The following PI4K2B variants were observed in gnomAD, a reference collection of about 807,000 sequenced individuals.
The protein encoded by PI4K2B is phosphatidylinositol 4-kinase type 2-beta.
In PI4K2B, 46 loss-of-function variants were observed where a neutral mutation model predicts 56.6. The ratio of observed to expected loss-of-function variants is 0.81; its 90% CI spans 0.64 to 1.04. The LOEUF (loss-of-function observed/expected upper bound fraction) is 1.04, where lower values mean the gene tolerates loss of function less well. Ranked by LOEUF, PI4K2B falls within the 50% of genes least tolerant of loss-of-function variation. The pLI, the probability that PI4K2B is intolerant of heterozygous loss-of-function variation, is 0.00. For synonymous variants in PI4K2B, 211 were observed against 223.8 expected (o/e 0.94, Z 0.51); for missense variants, 556 against 607.7 (o/e 0.91, Z 0.89).
intron 1 of PI4K2B, among the ~76,000 whole-genome samples, chr4:25,246,608 C>T (rs1715792696): frequency 6.6e-6 from 1 of 152,248 alleles, no homozygotes; most frequent in Non-Finnish European, 1.5e-5. Context: ...CCTGCCAGTC[C>T]CACGCCTTGT....
At chr4:25,259,746 A>C in intron 5 of PI4K2B, among the ~76,000 whole-genome samples, 1 of 152,164 alleles carries the variant, frequency 6.6e-6, no homozygotes. Context: ...GTTTCAAGAA[A>C]GTTTACAAAT....
At chr4:25,275,212 AG>A (rs1481848429) in intron 9 of PI4K2B, among the ~76,000 whole-genome samples, 1 of 152,256 alleles carries the variant, frequency 6.6e-6, no homozygotes, top group Non-Finnish European at 1.5e-5. Flanking sequence ...TTTTTAGAAT[AG>A]AATTCTTAAA....
intron 1 of PI4K2B, among the ~76,000 whole-genome samples, chr4:25,240,805 CTCTT>C (rs1217823925): frequency 1.3e-5 from 2 of 152,088 alleles, no homozygotes; most frequent in Admixed American, 6.6e-5. Flanking sequence ...GTGTCTGTCC[CTCTT>C]TCTTTCTGAC....
intron 1 of PI4K2B, 67 bp from the exon 2 acceptor site, chr4:25,252,254 C>A: frequency 8.5e-7 from 1 of 1,171,038 alleles, no homozygotes; most frequent in Non-Finnish European, 1.3e-6. Flanking sequence ...CTGATACCGG[C>A]AAGCTAATCG....
At chr4:25,258,933 T>C in intron 4 of PI4K2B, 104 bp from the exon 5 acceptor site, 1 of 543,070 alleles carries the variant, frequency 1.8e-6, no homozygotes, top group Non-Finnish European at 3.2e-6. Context: ...AGTTTTCTTA[T>C]TGTGTTTACA....
chr4:25,269,251 C>A, intron 9 of PI4K2B, 48 bp downstream of exon 9: 1 of 1,003,488 alleles, frequency 1.0e-6, no homozygotes, highest in Non-Finnish European at 1.6e-6. Flanking sequence ...CTCTTTGAAA[C>A]AGTAGTCAAC....
chr4:25,276,064 T>C (rs1285924066), intron 9 of PI4K2B, among the ~76,000 whole-genome samples: 1 of 152,236 alleles, frequency 6.6e-6, no homozygotes, highest in African/African-American at 2.4e-5. Context: ...TATTGACTAG[T>C]CTTTACAAGA....
intron 9 of PI4K2B, chr4:25,276,210 AT>A (rs1717086796): frequency 6.4e-6 from 1 of 155,734 alleles, no homozygotes; most frequent in Non-Finnish European, 1.4e-5. Context: ...CTATAATTTT[AT>A]TTGACCTGAA....
At chr4:25,239,390 G>C (rs1577675005) in intron 1 of PI4K2B, among the ~76,000 whole-genome samples, 1 of 152,326 alleles carries the variant, frequency 6.6e-6, no homozygotes, top group East Asian at 1.9e-4. Context: ...CTGCCCTACG[G>C]GGAGGCAGCT....
chr4:25,240,807 CTT>C (rs1715484976), intron 1 of PI4K2B, among the ~76,000 whole-genome samples: 1 of 152,148 alleles, frequency 6.6e-6, no homozygotes, highest in Non-Finnish European at 1.5e-5. Context: ...GTCTGTCCCT[CTT>C]TCTTTCTGAC....
chr4:25,277,114 G>T lies in PI4K2B; in HGVS notation c.1373G>T (p.Gly458Val). Reference protein sequence around the residue: ...IVERSQGGSQGRIVHLSNSFT... With the variant: ...IVERSQGGSQVRIVHLSNSFT... ...GAACGCAGTCAAGGTGGAAGTCAGG[G>T]TCGGATTGTCCACCTGAGCAATTCC... Residue 458 changes from glycine to valine, a missense_variant, in exon 10 of 10, where the codon GGT (glycine) becomes GTT (valine). Transcript: ENST00000264864. 1 of 1,614,014 alleles carries T rather than the reference G, an allele frequency of 6.2e-7. No individual in the cohort carries two copies. Among genetic ancestry groups the T allele is most frequent in the Non-Finnish European group, 8.5e-7 (1 of 1,179,916 alleles).
In PI4K2B at chr4:25,234,441, G is replaced by C. The variant is rs1276067376; in HGVS notation, c.268+10G>C. ...CGCCCCGCGGTTTCAGGTGCGACCC[G>C]GCCCTGCCCCACTCCCCGCGCCCCT... On this transcript the variant is annotated intron_variant, in intron 1 of 9. Coordinates refer to ENST00000264864, the MANE Select transcript of PI4K2B (RefSeq NM_018323.4). 5 of 1,288,442 alleles carry C rather than the reference G, an allele frequency of 3.9e-6. No homozygotes were observed. Among genetic ancestry groups the C allele is most frequent in the Non-Finnish European group, 4.9e-6 (5 of 1,017,400 alleles). 79.8% of individuals were successfully genotyped at this position (1,288,442 alleles called of 1,614,324 possible). A position where few individuals can be genotyped will look rare whatever the true frequency, so the allele number is the denominator to read the frequency against.
At chr4:25,262,779 G>T (rs891224155) in intron 6 of PI4K2B, among the ~76,000 whole-genome samples, 4 of 152,148 alleles carry the variant, frequency 2.6e-5, no homozygotes, top group Admixed American at 6.5e-5. Context: ...AAAGATAGTT[G>T]AGCTTGATAA....
rs926235198 is a variant in PI4K2B, at chr4:25,277,891, T to A, written c.*704T>A. On this transcript the variant is annotated 3_prime_UTR_variant, in exon 10 of 10. Transcript: ENST00000264864. ...GGGAATAATAGAAAATTAAGGTAGA[T>A]CCCCAATATTTTGGAATACCAAAAT... is the stretch of plus-strand genomic sequence containing the variant. The A allele has an allele frequency of 2.6e-5, 4 of 152,136 alleles. No homozygotes were observed. The highest frequency in any genetic ancestry group is 7.2e-5 in the African/African-American group (3 of 41,438). The allele number at this position is 152,136 out of a possible 1,614,324, so 9.4% of individuals were successfully genotyped here. A position where few individuals can be genotyped will look rare whatever the true frequency, so the allele number is the denominator to read the frequency against.
intron 1 of PI4K2B, among the ~76,000 whole-genome samples, chr4:25,248,296 A>G (rs1030278719): frequency 3.9e-5 from 6 of 152,198 alleles, no homozygotes; most frequent in Non-Finnish European, 2.9e-5. Context: ...GGTAAAGGCA[A>G]GGTCATTCAG....
intron 9 of PI4K2B, chr4:25,276,332 A>C: frequency 5.2e-6 from 2 of 384,222 alleles, no homozygotes; most frequent in Non-Finnish European, 7.1e-6. Flanking sequence ...ACTTTCCCTA[A>C]TTTTATTTTT....
At chr4:25,268,619 TAAAATA>T in intron 8 of PI4K2B, 43 bp downstream of exon 8, 1 of 1,386,144 alleles carries the variant, frequency 7.2e-7, no homozygotes, top group Non-Finnish European at 9.9e-7. Flanking sequence ...AATGAAATCT[TAAAATA>T]GAAGAGACTG....
Position 25,277,815 on chromosome 4 carries a change from A to G in PI4K2B, c.*628A>G, listed in dbSNP as rs1717159962. The G allele has an allele frequency of 6.6e-6, 1 of 152,194 alleles. No homozygotes were observed. The highest frequency in any genetic ancestry group is 2.4e-5 in the African/African-American group (1 of 41,462). 9.4% of individuals were successfully genotyped at this position (152,194 alleles called of 1,614,324 possible). A position where few individuals can be genotyped will look rare whatever the true frequency, so the allele number is the denominator to read the frequency against. On this transcript the variant is annotated 3_prime_UTR_variant, in exon 10 of 10. Transcript: ENST00000264864. ...CTTTGTTGTAGTGAGGAAAAAACCTAAGAAATTTCCCCTTTTTTTAAAAAA... is the reference window on the plus strand; with the variant it reads ...CTTTGTTGTAGTGAGGAAAAAACCTGAGAAATTTCCCCTTTTTTTAAAAAA...
In PI4K2B at chr4:25,265,198, C is replaced by CAAAAAAAAAAA. The variant is rs71188933; in HGVS notation, c.1078+1362_1078+1372dup. Among the ~76,000 whole-genome samples, 221 of 65,384 alleles carry CAAAAAAAAAAA rather than the reference C, an allele frequency of 3.4e-3. 22 individuals are homozygous for CAAAAAAAAAAA. Among genetic ancestry groups the CAAAAAAAAAAA allele is most frequent in the African/African-American group, 0.013 (198 of 14,908 alleles). 42.9% of individuals were successfully genotyped at this position (65,384 alleles called of 152,430 possible). A position where few individuals can be genotyped will look rare whatever the true frequency, so the allele number is the denominator to read the frequency against. On this transcript the variant is annotated intron_variant, in intron 7 of 9. Transcript: ENST00000264864. ...CAACAAGAGTAAATCTCTGTCTCACCAAAAAAAAAAAAAAAAAAAAAAATT... is the reference window on the plus strand; with the variant it reads ...CAACAAGAGTAAATCTCTGTCTCACCAAAAAAAAAAAAAAAAAAAAAAAAAAAAAAAAAATT...
Sources: allele counts gnomAD v4.1 joint callset (sites outside exome capture counted in the v4.1 genomes callset), GRCh38; gene constraint gnomAD v4.1.1; transcripts MANE v1.5; gene names NCBI Gene and HGNC (gene_info 2026-07-23, HGNC 2026-07-21).